Variants in HS2ST1 observed in about 807,000 individuals in gnomAD.
HS2ST1 encodes 2-O-sulfotransferase.
Under a neutral mutation model 42.9 loss-of-function variants are expected in HS2ST1, and 18 were observed. That is an observed-to-expected ratio of 0.42 (90% CI 0.29 to 0.62). The LOEUF is 0.62. HS2ST1 is among the 20% of genes least tolerant of loss of function. The pLI is 0.21. For missense variants in HS2ST1, 334 were observed against 433.8 expected, an observed-to-expected ratio of 0.77 and a Z score of 2.04; for synonymous variants, 146 against 152.9, an observed-to-expected ratio of 0.95 and a Z score of 0.33.
At chr1:87,054,948 G>A (rs555954452) in intron 1 of HS2ST1, among the ~76,000 whole-genome samples, 7 of 152,184 alleles carry the variant, frequency 4.6e-5, no homozygotes, top group African/African-American at 1.7e-4. Context: ...AATTAATACA[G>A]TGCCCCCTTT....
chr1:86,975,857 G>A (rs1232915484), intron 1 of HS2ST1, among the ~76,000 whole-genome samples: 1 of 152,128 alleles, frequency 6.6e-6, no homozygotes, highest in Non-Finnish European at 1.5e-5. Context: ...GAAGTACAGG[G>A]GCTAGTAACT....
intron 1 of HS2ST1, among the ~76,000 whole-genome samples, chr1:87,068,444 A>C (rs926026487): frequency 3.9e-4 from 60 of 152,342 alleles, no homozygotes; most frequent in Middle Eastern, 3.4e-3. Context: ...TTATCAGCTT[A>C]AGGAGATTTT....
chr1:86,953,331 C>G (rs1011949193), intron 1 of HS2ST1, among the ~76,000 whole-genome samples: 2 of 152,200 alleles, frequency 1.3e-5, no homozygotes, highest in African/African-American at 4.8e-5. Flanking sequence ...GTTTCGTTTT[C>G]TTATCATGGT....
At chr1:87,097,743 C>G in intron 4 of HS2ST1, 95 bp from the exon 5 acceptor site, 1 of 1,436,356 alleles carries the variant, frequency 7.0e-7, no homozygotes, top group Non-Finnish European at 9.6e-7. Context: ...ATCCCACCTA[C>G]TCTGGCCCAT....
chr1:86,954,032 GTT>G (rs544817279), intron 1 of HS2ST1, among the ~76,000 whole-genome samples: 1 of 58,432 alleles, frequency 1.7e-5, no homozygotes, highest in Non-Finnish European at 2.9e-5. Context: ...AAACATCACT[GTT>G]TTTTTTAAAA....
intron 3 of HS2ST1, among the ~76,000 whole-genome samples, chr1:87,091,942 A>G (rs1321677471): frequency 6.6e-6 from 1 of 152,044 alleles, no homozygotes; most frequent in African/African-American, 2.4e-5. Flanking sequence ...CAGAAGGTAG[A>G]TTGACATGTT....
intron 1 of HS2ST1, among the ~76,000 whole-genome samples, chr1:87,070,301 A>G (rs1168653248): frequency 1.3e-5 from 2 of 152,120 alleles, no homozygotes; most frequent in Non-Finnish European, 2.9e-5. Flanking sequence ...TGAATATAAT[A>G]ATGTTCAGGC....
intron 1 of HS2ST1, among the ~76,000 whole-genome samples, chr1:87,043,803 A>G (rs1431660460): frequency 6.6e-6 from 1 of 152,110 alleles, no homozygotes; most frequent in Non-Finnish European, 1.5e-5. Flanking sequence ...ACAGGAAGCT[A>G]TGAAATATAT....
At chr1:86,991,109 T>C (rs895857073) in intron 1 of HS2ST1, among the ~76,000 whole-genome samples, 1 of 151,712 alleles carries the variant, frequency 6.6e-6, no homozygotes, top group Non-Finnish European at 1.5e-5. Flanking sequence ...TCTCTGGTTG[T>C]TGTGAGAGAG....
chr1:87,056,845 T>A (rs927010206), intron 1 of HS2ST1, among the ~76,000 whole-genome samples: 1 of 152,240 alleles, frequency 6.6e-6, no homozygotes, highest in Non-Finnish European at 1.5e-5. Context: ...TTGAATAGTG[T>A]ATATTCATTA....
At chr1:86,979,508 A>G (rs1648518375) in intron 1 of HS2ST1, among the ~76,000 whole-genome samples, 2 of 152,176 alleles carry the variant, frequency 1.3e-5, no homozygotes. Context: ...TAATGTCTTC[A>G]ATGTTTATTC....
intron 4 of HS2ST1, among the ~76,000 whole-genome samples, chr1:87,094,961 ATTACT>A (rs750436341): frequency 1.4e-4 from 21 of 152,112 alleles, no homozygotes; most frequent in African/African-American, 3.1e-4. Flanking sequence ...AAAATAAGAA[ATTACT>A]TTGTTTTGTG....
At chr1:87,083,158 A>G (rs1173699977) in intron 2 of HS2ST1, among the ~76,000 whole-genome samples, 1 of 152,220 alleles carries the variant, frequency 6.6e-6, no homozygotes, top group Non-Finnish European at 1.5e-5. Context: ...AACAGGAGGC[A>G]GCTATCATCA....
chr1:86,999,698 C>CAT (rs1649222632), intron 1 of HS2ST1, among the ~76,000 whole-genome samples: 3 of 152,210 alleles, frequency 2.0e-5, no homozygotes, highest in Admixed American at 6.5e-5. Context: ...TGCTTTCCCC[C>CAT]CCAACTTACT....
intron 3 of HS2ST1, among the ~76,000 whole-genome samples, chr1:87,088,031 A>G (rs1651853391): frequency 6.6e-6 from 1 of 152,096 alleles, no homozygotes; most frequent in South Asian, 2.1e-4. Context: ...ATTAAATGTG[A>G]TAATGTAGAT....
intron 1 of HS2ST1, among the ~76,000 whole-genome samples, chr1:86,917,985 T>G (rs1263279303): frequency 1.3e-5 from 2 of 152,232 alleles, no homozygotes; most frequent in Non-Finnish European, 2.9e-5. Flanking sequence ...TAAAAAAGCA[T>G]TTTTATTTTG....
At chr1:87,004,479 T>C (rs1649380438) in intron 1 of HS2ST1, among the ~76,000 whole-genome samples, 1 of 152,174 alleles carries the variant, frequency 6.6e-6, no homozygotes, top group Non-Finnish European at 1.5e-5. Flanking sequence ...TTTTTTTCCT[T>C]ACCCTTTTGA....
intron 2 of HS2ST1, among the ~76,000 whole-genome samples, chr1:87,076,216 G>T (rs976680724): frequency 6.6e-6 from 1 of 152,118 alleles, no homozygotes; most frequent in Non-Finnish European, 1.5e-5. Context: ...TTGGAGGGAG[G>T]CTTCTCTAGA....
intron 1 of HS2ST1, among the ~76,000 whole-genome samples, chr1:86,974,957 C>G (rs1648352420): frequency 6.6e-6 from 1 of 152,098 alleles, no homozygotes; most frequent in Non-Finnish European, 1.5e-5. Context: ...CCTAGAGGTT[C>G]AAATTGACTG....
Sources: allele counts gnomAD v4.1 joint callset (sites outside exome capture counted in the v4.1 genomes callset), GRCh38; gene constraint gnomAD v4.1.1; transcripts MANE v1.5; gene names NCBI Gene and HGNC (gene_info 2026-07-23, HGNC 2026-07-21).